ADGRL2: variants seen among roughly 807,000 people sequenced by gnomAD.
ADGRL2 encodes adhesion G protein-coupled receptor L2, also known as calcium-independent alpha-latrotoxin receptor 2.
A neutral mutation model predicts 157.4 loss-of-function variants in ADGRL2; 44 were observed. The observed-to-expected ratio is 0.28, with a 90% CI of 0.22 to 0.36. The LOEUF (loss-of-function observed/expected upper bound fraction) is 0.36. ADGRL2 is among the 10% of genes least tolerant of loss of function. ADGRL2 has a pLI of 1.00. For synonymous variants in ADGRL2, 585 were observed against 624.7 expected, an observed-to-expected ratio of 0.94 and a Z score of 0.95; for missense variants, 1,510 against 1,768.9, an observed-to-expected ratio of 0.85 and a Z score of 2.63.
At chr1:81,956,393 G>A (rs763259752) in intron 11 of ADGRL2, among the ~76,000 whole-genome samples, 7 of 152,206 alleles carry the variant, frequency 4.6e-5, no homozygotes, top group African/African-American at 1.4e-4. Flanking sequence ...ATGCTTAATC[G>A]TTTTATATAA....
intron 3 of ADGRL2, among the ~76,000 whole-genome samples, chr1:81,608,142 T>C (rs191504262): frequency 4.6e-5 from 7 of 152,316 alleles, no homozygotes; most frequent in African/African-American, 1.4e-4. Context: ...GGCACGTTCA[T>C]ATCTGATTTT....
rs1234908817 is a variant in ADGRL2 at position 81,564,879 on chromosome 1, TG to T, written c.-247-15995del. 7.2e-5 allele frequency among the ~76,000 whole-genome samples: 11 copies of T among 152,278 alleles called. No homozygotes were observed. The South Asian group carries it at 1.9e-3, about 26-fold the overall frequency. On this transcript the variant is annotated intron_variant, in intron 2 of 24. Coordinates refer to the ADGRL2 transcript ENST00000370721. Reference sequence around the variant, plus strand: ...GAAAATTTCCTGAATGAATGTCTTATGGTAGCCTCCATCCTAATTCAGGCAG... The same window carrying T: ...GAAAATTTCCTGAATGAATGTCTTATGTAGCCTCCATCCTAATTCAGGCAG...
intron 3 of ADGRL2, among the ~76,000 whole-genome samples, chr1:81,591,455 T>C (rs538455066): frequency 3.3e-5 from 5 of 152,280 alleles, no homozygotes; most frequent in African/African-American, 1.2e-4. Context: ...GAGAAGAATG[T>C]CTCTTTAAAT....
chr1:81,925,104 A>G (rs527622583), intron 3 of ADGRL2, among the ~76,000 whole-genome samples: 1 of 152,206 alleles, frequency 6.6e-6, no homozygotes, highest in South Asian at 2.1e-4. Flanking sequence ...AAAGAAGGAC[A>G]TAAGGAAACA....
At chr1:81,606,501 A>G (rs909333046) in intron 3 of ADGRL2, among the ~76,000 whole-genome samples, 17 of 151,182 alleles carry the variant, frequency 1.1e-4, no homozygotes, top group African/African-American at 4.1e-4. Context: ...GCACATGCAC[A>G]CACACACACA....
chr1:81,742,447 A>G lies in ADGRL2; in HGVS notation c.-142-19364A>G, dbSNP rs932645944. The stretch of plus-strand genomic sequence containing the variant: ...TTTTCAAATCCATCCCTTTACTATC[A>G]TACTTTAGACTACTCTGATTAAAGA... On this transcript the variant is annotated intron_variant, in intron 1 of 20. Transcript: ENST00000359929. Among the ~76,000 whole-genome samples, 3 of 152,176 alleles carry G rather than the reference A, an allele frequency of 2.0e-5. No homozygotes were observed. In the East Asian group the frequency reaches 5.8e-4, roughly 29 times the overall value.
intron 2 of ADGRL2, among the ~76,000 whole-genome samples, chr1:81,540,204 T>C (rs147761760): frequency 6.6e-6 from 1 of 152,196 alleles, no homozygotes; most frequent in African/African-American, 2.4e-5. Flanking sequence ...TCTTAAAACT[T>C]TTTTCCTAAA....
intron 3 of ADGRL2, among the ~76,000 whole-genome samples, chr1:81,586,602 T>C (rs2081031115): frequency 6.6e-6 from 1 of 151,948 alleles, no homozygotes; most frequent in South Asian, 2.1e-4. Context: ...CCCTCAAAAA[T>C]GTAAAGAAAT....
chr1:81,706,283 C>A (rs1050467523), intron 1 of ADGRL2, among the ~76,000 whole-genome samples: 22 of 151,502 alleles, frequency 1.5e-4, no homozygotes, highest in Non-Finnish European at 1.2e-4. Context: ...GGTCAAGAAA[C>A]CTTAGAGGAG....
At chr1:81,456,064 T>A (rs1288049915) in intron 2 of ADGRL2, among the ~76,000 whole-genome samples, 1 of 152,200 alleles carries the variant, frequency 6.6e-6, no homozygotes, top group East Asian at 1.9e-4. Context: ...TTTGGAAGGG[T>A]CTTAGTAATT....
At chr1:81,571,622 G>C (rs1403376006) in intron 2 of ADGRL2, among the ~76,000 whole-genome samples, 2 of 151,722 alleles carry the variant, frequency 1.3e-5, no homozygotes, top group African/African-American at 4.8e-5. Context: ...GCACCATCAA[G>C]ATAGAAAAGA....
chr1:81,391,007 T>G (rs1306614610), intron 1 of ADGRL2, among the ~76,000 whole-genome samples: 1 of 152,304 alleles, frequency 6.6e-6, no homozygotes, highest in Non-Finnish European at 1.5e-5. Context: ...TGGAAACTTT[T>G]GACACTTAAA....
At chr1:81,494,476 T>C (rs563714091) in intron 2 of ADGRL2, among the ~76,000 whole-genome samples, 660 of 151,840 alleles carry the variant, frequency 4.3e-3, no homozygotes, top group Middle Eastern at 0.02. Context: ...AATAATACAG[T>C]CACAAAATTT....
intron 3 of ADGRL2, among the ~76,000 whole-genome samples, chr1:81,911,154 T>G (rs1222283124): frequency 1.3e-5 from 2 of 152,296 alleles, no homozygotes; most frequent in Admixed American, 6.5e-5. Flanking sequence ...CATTTAAAAG[T>G]GTGAAACTAA....
chr1:81,600,902 T>G (rs972185402), intron 3 of ADGRL2, among the ~76,000 whole-genome samples: 1 of 152,200 alleles, frequency 6.6e-6, no homozygotes, highest in African/African-American at 2.4e-5. Flanking sequence ...TGGAAAGGCT[T>G]GGATCTATCA....
Position 81,645,396 on chromosome 1 carries a change from CAAAAAAA to C in ADGRL2, c.-143+64433_-143+64439del, listed in dbSNP as rs374061248. ...TGGGTGACAGAGTGAGATCCTGTCTCAAAAAAAAAAAAAAAAAAAAAAATTAAATTAA... is the reference window on the plus strand; with the variant it reads ...TGGGTGACAGAGTGAGATCCTGTCTCAAAAAAAAAAAAAAAATTAAATTAA... On this transcript the variant is annotated intron_variant, in intron 3 of 24. Transcript: ENST00000370721. 1.9e-4 allele frequency among the ~76,000 whole-genome samples: 18 copies of C among 94,842 alleles called. No homozygotes were observed. The East Asian group carries it at 4.8e-3, about 25-fold the overall frequency. The allele number at this position is 94,842 out of a possible 152,430, so 62.2% of individuals were successfully genotyped here. A position where few individuals can be genotyped will look rare whatever the true frequency, so the allele number is the denominator to read the frequency against.
intron 1 of ADGRL2, among the ~76,000 whole-genome samples, chr1:81,746,991 CGTATATACGT>C (rs2085286299): frequency 1.4e-5 from 2 of 144,888 alleles, no homozygotes; most frequent in South Asian, 4.3e-4. Flanking sequence ...TGTGTATATA[CGTATATACGT>C]GTATACACAC....
intron 8 of ADGRL2, 72 bp from the exon 9 acceptor site, chr1:81,951,885 A>G: frequency 1.7e-6 from 2 of 1,209,814 alleles, no homozygotes; most frequent in East Asian, 5.0e-5. Context: ...CACAATAAAG[A>G]TACTCAAGGA....
intron 2 of ADGRL2, chr1:81,515,069 T>C (rs1023365168): frequency 1.3e-5 from 2 of 152,216 alleles, no homozygotes; most frequent in Admixed American, 6.5e-5. Context: ...TCTTCTTCCA[T>C]CCTTCAACAA....
Sources: allele counts gnomAD v4.1 joint callset (sites outside exome capture counted in the v4.1 genomes callset), GRCh38; gene constraint gnomAD v4.1.1; transcripts MANE v1.5; gene names NCBI Gene and HGNC (gene_info 2026-07-23, HGNC 2026-07-21).